TBC1D9B: variants seen among roughly 807,000 people sequenced by gnomAD.
TBC1D9B encodes TBC1 domain family member 9B.
In TBC1D9B, 87 loss-of-function variants were observed where a neutral mutation model predicts 121.1. The observed-to-expected ratio is 0.72, with a 90% CI of 0.60 to 0.86. The LOEUF (loss-of-function observed/expected upper bound fraction) is 0.86. TBC1D9B is among the 40% of genes least tolerant of loss of function. The pLI, the probability that TBC1D9B is intolerant of heterozygous loss-of-function variation, is 0.00. For synonymous variants in TBC1D9B, 668 were observed against 670.1 expected (o/e 1.00, Z 0.05); for missense variants, 1,540 against 1,628.6 (o/e 0.95, Z 0.94).
intron 7 of TBC1D9B, among the ~76,000 whole-genome samples, chr5:179,881,673 T>G (rs1289094783): frequency 2.6e-5 from 4 of 152,228 alleles, no homozygotes; most frequent in Non-Finnish European, 5.9e-5. Context: ...ATGCTTAATC[T>G]CACTGTCTCC....
In TBC1D9B at chr5:179,863,220, C is replaced by T; in HGVS notation, c.*228G>A. On this transcript the variant is annotated 3_prime_UTR_variant, in exon 21 of 21. Coordinates refer to ENST00000355235, the MANE Select transcript of TBC1D9B (RefSeq NM_015043.4). This position sits in a 1 kb window ranked among gnomAD's most constrained non-coding sequence, Gnocchi z 4.5. The stretch of plus-strand genomic sequence containing the variant: ...CCAGGTGTAAGGAAGGTGGGAGCCA[C>T]AGCCTCTTCCTGGGCCCAGAAGCAG... The T allele has an allele frequency of 1.8e-6, 1 of 556,904 alleles. No homozygotes were observed. The highest frequency in any genetic ancestry group is 3.1e-6 in the Non-Finnish European group (1 of 317,804). 34.5% of individuals were successfully genotyped at this position (556,904 alleles called of 1,614,324 possible). A position where few individuals can be genotyped will look rare whatever the true frequency, so the allele number is the denominator to read the frequency against.
chr5:179,873,275 A>G (rs762210588), intron 12 of TBC1D9B, 27 bp from the exon 13 acceptor site: 7 of 1,557,228 alleles, frequency 4.5e-6, no homozygotes, highest in Non-Finnish European at 2.6e-6. Context: ...ACAACAGTCC[A>G]GACCACGCCC....
At chr5:179,888,650 T>G (rs1760767095) in intron 6 of TBC1D9B, among the ~76,000 whole-genome samples, 1 of 152,196 alleles carries the variant, frequency 6.6e-6, no homozygotes, top group Admixed American at 6.5e-5. Flanking sequence ...CTTGCAGGAC[T>G]GTTCCCTGCA....
At chr5:179,893,182 C>A (rs761860982) in intron 5 of TBC1D9B, 27 bp downstream of exon 5, 1 of 1,576,702 alleles carries the variant, frequency 6.3e-7, no homozygotes, top group Non-Finnish European at 8.6e-7. Context: ...TCACATGAGC[C>A]CACCCCAGCC....
At chr5:179,877,206 G>A (rs539949899) in intron 10 of TBC1D9B, among the ~76,000 whole-genome samples, 8 of 151,348 alleles carry the variant, frequency 5.3e-5, no homozygotes, top group Non-Finnish European at 1.0e-4. Flanking sequence ...GCAAGACAGT[G>A]AGACCCCATG....
At chr5:179,869,889 C>G in intron 16 of TBC1D9B, 55 bp from the exon 17 acceptor site, 2 of 1,489,324 alleles carry the variant, frequency 1.3e-6, no homozygotes, top group Non-Finnish European at 1.8e-6. Context: ...AGAGCCCCTT[C>G]CAGGGGGTCC....
intron 2 of TBC1D9B, among the ~76,000 whole-genome samples, chr5:179,900,574 C>G (rs1561649577): frequency 6.6e-6 from 1 of 152,182 alleles, no homozygotes. Context: ...AATCCTGAAC[C>G]AGTACCCTGG....
intron 8 of TBC1D9B, 106 bp from the exon 9 acceptor site, chr5:179,879,303 C>T (rs1257239540): frequency 6.8e-7 from 1 of 1,460,682 alleles, no homozygotes; most frequent in East Asian, 2.5e-5. Context: ...TGCTGGCCAG[C>T]AAGTGTGGCC....
Position 179,875,938 on chromosome 5 carries a change from A to G in TBC1D9B, c.1882T>C (p.Tyr628His). The change falls in exon 11 of 21, where the codon TAC (tyrosine) becomes CAC (histidine). Residue 628 changes from tyrosine (Y) to histidine (H), a missense_variant. Physicochemically the swap from Tyr to His is moderately conservative, Grantham distance 83. Transcript: ENST00000355235. The surrounding 1 kb of genome is among the most constrained non-coding windows in gnomAD (Gnocchi z 4.5). ...ALCERMLPDY[Y>H]NTRVVGALVD... is the part of the protein sequence containing the mutation. ...CACTCACCCACCACCCTGGTGTTGT[A>G]GTAGTCGGGCAGCATGCGCTCGCAC... is the stretch of plus-strand genomic sequence containing the variant. 1 of 1,608,234 alleles carries G rather than the reference A, an allele frequency of 6.2e-7. No homozygotes were observed. Among genetic ancestry groups the G allele is most frequent in the Non-Finnish European group, 8.5e-7 (1 of 1,177,942 alleles).
intron 8 of TBC1D9B, 179 bp from the exon 9 acceptor site, chr5:179,879,376 C>T: frequency 9.0e-7 from 1 of 1,109,684 alleles, no homozygotes; most frequent in Non-Finnish European, 1.3e-6. Flanking sequence ...GCTCAGGAGA[C>T]CAGCTCCTCA....
At chr5:179,906,322 C>T (rs1018222448) in intron 1 of TBC1D9B, among the ~76,000 whole-genome samples, 3 of 151,996 alleles carry the variant, frequency 2.0e-5, no homozygotes, top group Non-Finnish European at 4.4e-5. Flanking sequence ...TTGGGGGGAC[C>T]CTGGGAGCTC....
At chr5:179,903,137 G>A (rs1761208581) in intron 2 of TBC1D9B, among the ~76,000 whole-genome samples, 1 of 152,176 alleles carries the variant, frequency 6.6e-6, no homozygotes, top group Non-Finnish European at 1.5e-5. Context: ...GAGAACAAGG[G>A]CACTGTGGCT....
intron 10 of TBC1D9B, 81 bp downstream of exon 10, chr5:179,878,228 A>G: frequency 6.9e-7 from 1 of 1,454,982 alleles, no homozygotes; most frequent in Non-Finnish European, 9.3e-7. Context: ...GGGTCACCAC[A>G]CAGGCCTGGG....
rs151265651 is a variant in TBC1D9B at position 179,863,483 on chromosome 5, C to A, written c.3667G>T (p.Ala1223Ser). 1.2e-6 allele frequency: 2 copies of A among 1,613,938 alleles called. No homozygotes were observed. The highest frequency in any genetic ancestry group is 1.7e-6 in the Non-Finnish European group (2 of 1,179,940). ...ACTCCAGGCTGCTCATGGTCACTGG[C>A]GGTGCTGAACTGTCTCTCCACTTTC... ...QKKVERQFST[A>S]SDHEQPGVSG is the part of the protein sequence containing the mutation. Residue 1223 changes from alanine to serine, a missense_variant, in exon 21 of 21, where the codon GCC becomes TCC. Transcript: ENST00000355235. The surrounding 1 kb of genome is among the most constrained non-coding windows in gnomAD (Gnocchi z 4.5).
chr5:179,869,986 G>A (rs888091896), intron 16 of TBC1D9B, 152 bp from the exon 17 acceptor site: 25 of 946,218 alleles, frequency 2.6e-5, no homozygotes, highest in East Asian at 7.9e-5. Context: ...TCTCCCTGGC[G>A]TCCTGCTGGG....
At chr5:179,892,671 C>T (rs942914742) in intron 5 of TBC1D9B, among the ~76,000 whole-genome samples, 12 of 152,220 alleles carry the variant, frequency 7.9e-5, no homozygotes, top group Admixed American at 5.2e-4. Context: ...TCTGCTTCCA[C>T]GTCAAACTCA....
chr5:179,874,185 G>A lies in TBC1D9B; in HGVS notation c.2186+717C>T, dbSNP rs1336907583. ...AGCCAGGAGGGGCCGGGGCTTGAAG[G>A]CCAGGCTGGAGGCTCAGACAGTGCC... On this transcript the variant is annotated intron_variant, in intron 12 of 20. Coordinates refer to ENST00000355235, the MANE Select transcript of TBC1D9B (RefSeq NM_015043.4). The surrounding 1 kb of genome is among the most constrained non-coding windows in gnomAD (Gnocchi z 4.3). 6.6e-6 allele frequency among the ~76,000 whole-genome samples: 1 copy of A among 152,166 alleles called. No individual in the cohort carries two copies. The highest frequency in any genetic ancestry group is 1.9e-4 in the East Asian group (1 of 5,178).
chr5:179,879,158 A>T lies in TBC1D9B; in HGVS notation c.1456T>A (p.Phe486Ile). 1.2e-6 allele frequency: 2 copies of T among 1,605,940 alleles called. No homozygotes were observed. Among genetic ancestry groups the T allele is most frequent in the East Asian group, 4.5e-5 (2 of 44,840 alleles). ...CACACGCCACGCCCGTACTCGAAGA[A>T]GTGGATGTGCCATGACTCCTCTTTC... is the stretch of plus-strand genomic sequence containing the variant. ...KMKEESWHIH[F>I]FEYGRGVCMY... The change falls in exon 9 of 21, where the codon TTC becomes ATC. Residue 486 changes from phenylalanine (F) to isoleucine (I), a missense_variant. By Grantham distance (21) the Phe-to-Ile change is conservative (BLOSUM62 0). Coordinates refer to ENST00000355235, the MANE Select transcript of TBC1D9B (RefSeq NM_015043.4).
rs1759899267 is a variant in TBC1D9B at position 179,863,252 on chromosome 5, C to T, written c.*196G>A. Reference sequence around the variant, plus strand: ...TTCCTGGGCCCAGAAGCAGCCGGCGCCAGGAGATGCAGGCCCAGGGAATCT... The same window carrying T: ...TTCCTGGGCCCAGAAGCAGCCGGCGTCAGGAGATGCAGGCCCAGGGAATCT... On this transcript the variant is annotated 3_prime_UTR_variant, in exon 21 of 21. Transcript: ENST00000355235. This position sits in a 1 kb window ranked among gnomAD's most constrained non-coding sequence, Gnocchi z 4.5. 2 of 634,848 alleles carry T rather than the reference C, an allele frequency of 3.2e-6. No homozygotes were observed. The highest frequency in any genetic ancestry group is 5.8e-5 in the East Asian group (2 of 34,660). The allele number at this position is 634,848 out of a possible 1,614,324, so 39.3% of individuals were successfully genotyped here. A position where few individuals can be genotyped will look rare whatever the true frequency, so the allele number is the denominator to read the frequency against.
Sources: gnomAD v4.1 joint callset for allele counts (sites outside exome capture counted in the v4.1 genomes callset) on GRCh38, gnomAD v4.1.1 for gene constraint, Gnocchi (gnomAD v3.1) non-coding constraint, MANE v1.5 for transcripts, NCBI Gene and HGNC (gene_info 2026-07-23, HGNC 2026-07-21) for gene names.